The following NLRP2 variants were observed in gnomAD, a reference collection of about 807,000 sequenced individuals.
NLRP2 encodes the protein NACHT, LRR and PYD domains-containing protein 2.
NLRP2 carries 107 observed loss-of-function variants against 97.2 expected under a neutral mutation model. The ratio of observed to expected loss-of-function variants is 1.10; its 90% CI spans 0.94 to 1.29. The LOEUF (loss-of-function observed/expected upper bound fraction) is 1.29. NLRP2 is among the 50% of genes most tolerant of loss of function. The pLI is 0.00. For synonymous variants in NLRP2, 663 were observed against 551.5 expected (o/e 1.20, Z -2.83); for missense variants, 1,495 against 1,330.3 (o/e 1.12, Z -1.93).
intron 3 of NLRP2, among the ~76,000 whole-genome samples, chr19:54,976,064 T>G (rs2071212188): frequency 6.6e-6 from 1 of 151,976 alleles, no homozygotes; most frequent in South Asian, 2.1e-4. Context: ...GACTTTTTTT[T>G]TTTGGACAAA....
At chr19:54,971,995 ATTTT>A (rs61335843) in intron 2 of NLRP2, among the ~76,000 whole-genome samples, 1 of 116,400 alleles carries the variant, frequency 8.6e-6, no homozygotes, top group Non-Finnish European at 1.7e-5. Flanking sequence ...TGCCTGGCTG[ATTTT>A]TTTTTTTTTT....
chr19:54,990,672 TGTAA>T lies in NLRP2; in HGVS notation c.2708+3_2708+6del. On this transcript the variant is annotated splice_donor_variant and splice_donor_region_variant and intron_variant, in intron 10 of 12. Transcript: ENST00000448584. LOFTEE classifies it high-confidence loss of function. Reference sequence around the variant, plus strand: ...CCCGAGTGTAAACTGCAGACCTTGGTGTAAGTCCGTGCTGGCTGCCTGTGTGCGT... The same window carrying T: ...CCCGAGTGTAAACTGCAGACCTTGGTGTCCGTGCTGGCTGCCTGTGTGCGT... The T allele has an allele frequency of 6.2e-7, 1 of 1,614,054 alleles. No homozygotes were observed. The highest frequency in any genetic ancestry group is 1.1e-5 in the South Asian group (1 of 91,074).
chr19:54,984,983 A>G, intron 6 of NLRP2, 64 bp from the exon 7 acceptor site: 2 of 1,534,844 alleles, frequency 1.3e-6, no homozygotes, highest in Non-Finnish European at 1.8e-6. Context: ...GCCCAGAGAA[A>G]CCCTAAATAC....
In NLRP2 at chr19:54,999,800, G is replaced by A. The variant is rs112878170; in HGVS notation, c.3051-960G>A. 8.7e-3 allele frequency among the ~76,000 whole-genome samples: 1,319 copies of A among 151,720 alleles called. 14 individuals are homozygous for A. The highest frequency in any genetic ancestry group is 0.031 in the African/African-American group (1,268 of 41,360). ...TGCTCAGGCTGGAGTGCAGGGGCCC[G>A]ATCTCAGCTCACTGTAACCTCCGCC... On this transcript the variant is annotated intron_variant, in intron 12 of 12. Transcript: ENST00000448584.
intron 4 of NLRP2, among the ~76,000 whole-genome samples, chr19:54,980,145 T>G (rs980952479): frequency 6.6e-6 from 1 of 152,104 alleles, no homozygotes; most frequent in South Asian, 2.1e-4. Context: ...TCATCATGCT[T>G]CAGCAGGAAA....
rs534296574 is a variant in NLRP2 at position 54,995,412 on chromosome 19, G to A, written c.2879+973G>A. On this transcript the variant is annotated intron_variant, in intron 11 of 12. Coordinates refer to ENST00000448584, the MANE Select transcript of NLRP2 (RefSeq NM_017852.5). ...TCTCCATGTTGGTCAGGCTGGTCTC[G>A]ACCTCCGGACCTCAGGTGAGAGCCA... is the stretch of plus-strand genomic sequence containing the variant. Among the ~76,000 whole-genome samples the A allele has an allele frequency of 2.8e-4, 42 of 151,342 alleles. 2 individuals are homozygous for A. In the South Asian group the frequency reaches 6.1e-3, roughly 22 times the overall value.
At chr19:54,981,509 G>GCCCA in intron 4 of NLRP2, 108 bp from the exon 5 acceptor site, 1 of 386,504 alleles carries the variant, frequency 2.6e-6, no homozygotes, top group African/African-American at 2.4e-5. Context: ...CTGATCCCGT[G>GCCCA]CCCCCCCTCC....
chr19:54,992,934 C>T (rs1401392729), intron 10 of NLRP2, among the ~76,000 whole-genome samples: 1 of 151,926 alleles, frequency 6.6e-6, no homozygotes, highest in Non-Finnish European at 1.5e-5. Context: ...GTGGGTTTTC[C>T]TCCATTACAG....
At chr19:54,967,313 T>C (rs1437111403) in intron 1 of NLRP2, among the ~76,000 whole-genome samples, 3 of 151,992 alleles carry the variant, frequency 2.0e-5, no homozygotes, top group African/African-American at 7.2e-5. Context: ...AGAAACCCCA[T>C]CTCTACTAAA....
chr19:54,992,556 C>CTTTTTTTTTTTTTTTTTT (rs71181721), intron 10 of NLRP2, among the ~76,000 whole-genome samples: 2 of 82,538 alleles, frequency 2.4e-5, no homozygotes, highest in East Asian at 9.6e-4. Context: ...GGGGGGTTTT[C>CTTTTTTTTTTTTTTTTTT]TTTTTTTTTT....
intron 8 of NLRP2, among the ~76,000 whole-genome samples, chr19:54,988,357 A>G (rs1292567910): frequency 6.6e-6 from 1 of 152,002 alleles, no homozygotes; most frequent in Non-Finnish European, 1.5e-5. Flanking sequence ...CAGTGCCACA[A>G]TCTTGGTTCA....
In NLRP2 at chr19:54,975,268, T is replaced by C. The variant is rs944452982; in HGVS notation, c.325+724T>C. ...CCTGAGTAGCTGGGACCACAGGCAC[T>C]TGCCACCATGCCTGGCTAATTTTTT... On this transcript the variant is annotated intron_variant, in intron 3 of 12. Transcript: ENST00000448584. 2.5e-3 allele frequency among the ~76,000 whole-genome samples: 299 copies of C among 121,628 alleles called. 2 individuals carry two copies. The highest frequency in any genetic ancestry group is 9.4e-3 in the African/African-American group (273 of 29,086). The allele number at this position is 121,628 out of a possible 152,430, so 79.8% of individuals were successfully genotyped here.
chr19:54,997,698 G>T (rs887847086), intron 12 of NLRP2, among the ~76,000 whole-genome samples: 7 of 150,698 alleles, frequency 4.6e-5, no homozygotes, highest in African/African-American at 1.7e-4. Context: ...CAGGTGATCC[G>T]CCCGCCTCGG....
chr19:54,977,640 T>C (rs1280870915), intron 3 of NLRP2, 112 bp from the exon 4 acceptor site: 5 of 1,006,458 alleles, frequency 5.0e-6, no homozygotes, highest in Non-Finnish European at 7.9e-6. Context: ...CAACGTCCTT[T>C]TTAGTACCTA....
chr19:54,968,701 C>CTTTTTTTTTTTTTTTTTTTT lies in NLRP2; in HGVS notation c.-17-1286_-17-1285insTTTTTTTTTTTTTTTTTTTT, dbSNP rs61212213. ...CTCCACCACTAAGTTATCTTTAAGC[C>CTTTTTTTTTTTTTTTTTTTT]TTTTTTTTTTTTGAGACAGTTTCAC... On this transcript the variant is annotated intron_variant, in intron 1 of 12. Transcript: ENST00000448584. Among the ~76,000 whole-genome samples, 22 of 114,338 alleles carry CTTTTTTTTTTTTTTTTTTTT rather than the reference C, an allele frequency of 1.9e-4. 1 individual carries two copies. The highest frequency in any genetic ancestry group is 2.8e-4 in the Non-Finnish European group (16 of 56,544). The allele number at this position is 114,338 out of a possible 152,430, so 75.0% of individuals were successfully genotyped here.
At chr19:54,989,316 AC>A (rs1268899440) in intron 8 of NLRP2, among the ~76,000 whole-genome samples, 1 of 152,036 alleles carries the variant, frequency 6.6e-6, no homozygotes, top group Non-Finnish European at 1.5e-5. Context: ...ACTAAAAAAT[AC>A]AAAAATTAGC....
rs951843033 is a variant in NLRP2, at chr19:54,971,787, G to C, written c.280+1492G>C. Reference sequence around the variant, plus strand: ...CTAGATCAAAAATAATGGGGGCAAAGACAATTAAAAATAACAATACAATAA... The same window carrying C: ...CTAGATCAAAAATAATGGGGGCAAACACAATTAAAAATAACAATACAATAA... On this transcript the variant is annotated intron_variant, in intron 2 of 12. Coordinates refer to ENST00000448584, the MANE Select transcript of NLRP2 (RefSeq NM_017852.5). Among the ~76,000 whole-genome samples, 27 of 151,966 alleles carry C rather than the reference G, an allele frequency of 1.8e-4. 1 individual carries two copies. Among genetic ancestry groups the C allele is most frequent in the African/African-American group, 5.8e-4 (24 of 41,396 alleles).
intron 12 of NLRP2, 52 bp from the exon 13 acceptor site, chr19:55,000,708 A>G: frequency 6.2e-7 from 1 of 1,601,834 alleles, no homozygotes; most frequent in Non-Finnish European, 8.5e-7. Context: ...GGAATTTGAA[A>G]CAAATCTCCT....
At chr19:54,981,081 A>C (rs1475519477) in intron 4 of NLRP2, among the ~76,000 whole-genome samples, 1 of 152,062 alleles carries the variant, frequency 6.6e-6, no homozygotes. Context: ...ACTGCACTCC[A>C]GCCTGGGCAA....
Sources: gnomAD v4.1 joint callset for allele counts (sites outside exome capture counted in the v4.1 genomes callset) on GRCh38, gnomAD v4.1.1 for gene constraint, MANE v1.5 for transcripts, NCBI Gene and HGNC (gene_info 2026-07-23, HGNC 2026-07-21) for gene names.